Variants in ZBBX observed in about 807,000 individuals in gnomAD.
ZBBX encodes the protein zinc finger B-box domain containing.
Under a neutral mutation model 108.5 loss-of-function variants are expected in ZBBX, and 101 were observed. The ratio of observed to expected loss-of-function variants is 0.93; its 90% confidence interval spans 0.79 to 1.10. The LOEUF (loss-of-function observed/expected upper bound fraction) is 1.10, where lower values mean the gene tolerates loss of function less well. Ranked by LOEUF, ZBBX falls within the 50% of genes least tolerant of loss-of-function variation. The pLI is 0.00. For missense variants in ZBBX, 1,009 were observed against 941.4 expected, an observed-to-expected ratio of 1.07 and a Z score of -0.94; for synonymous variants, 356 against 323.4, an observed-to-expected ratio of 1.10 and a Z score of -1.08.
intron 20 of ZBBX, among the ~76,000 whole-genome samples, chr3:167,254,144 T>C (rs1723070911): frequency 6.6e-6 from 1 of 152,166 alleles, no homozygotes; most frequent in African/African-American, 2.4e-5. Flanking sequence ...ATCATTGTGC[T>C]ATGGTTATAT....
chr3:167,188,902 G>A, the ZBBX span, among the ~76,000 whole-genome samples: 1 of 152,138 alleles, frequency 6.6e-6, no homozygotes, highest in Non-Finnish European at 1.5e-5. Context: ...CTTAAAAGAA[G>A]TTATTGAGGA....
chr3:167,392,087 TCTGCTTTTAGCCACTAAGGA>T (rs1057325657), intron 1 of ZBBX, among the ~76,000 whole-genome samples: 1 of 151,792 alleles, frequency 6.6e-6, no homozygotes, highest in Non-Finnish European at 1.5e-5. Context: ...AAACCACTGA[TCTGCTTTTAGCCACTAAGGA>T]ATAATTTTTC....
At chr3:167,397,036 T>A (rs1286210410) in intron 1 of ZBBX, among the ~76,000 whole-genome samples, 1 of 150,800 alleles carries the variant, frequency 6.6e-6, no homozygotes, top group Non-Finnish European at 1.5e-5. Context: ...TTTTTTTCCC[T>A]TTTTTAAATT....
chr3:167,372,085 C>T (rs1053508021), intron 4 of ZBBX, among the ~76,000 whole-genome samples: 1 of 152,138 alleles, frequency 6.6e-6, no homozygotes, highest in Non-Finnish European at 1.5e-5. Flanking sequence ...GTAGCGTGCG[C>T]CTGTAATCCC....
At chr3:167,192,559 A>G in the ZBBX span, among the ~76,000 whole-genome samples, 8 of 152,106 alleles carry the variant, frequency 5.3e-5, no homozygotes, top group African/African-American at 9.7e-5. Flanking sequence ...GTTCTCTTTA[A>G]TCGTATCCCT....
rs1008350596 is a variant in ZBBX, at chr3:167,258,914, G to A, written c.2255-16271C>T. Reference sequence around the variant, plus strand: ...GATTTTAGCATCTATGTTCATCAAGGATATCAGTCTGTAGTTTTCTTTTTT... The same window carrying A: ...GATTTTAGCATCTATGTTCATCAAGAATATCAGTCTGTAGTTTTCTTTTTT... On this transcript the variant is annotated intron_variant, in intron 20 of 21. Transcript: ENST00000675490. Among the ~76,000 whole-genome samples the A allele has an allele frequency of 7.9e-5, 12 of 152,120 alleles. 1 individual carries two copies. Among genetic ancestry groups the A allele is most frequent in the Admixed American group, 6.6e-4 (10 of 15,264 alleles).
At chr3:167,237,304 T>G (rs1214616710), downstream of ZBBX, among the ~76,000 whole-genome samples, 1 of 151,924 alleles carries the variant, frequency 6.6e-6, no homozygotes, top group African/African-American at 2.4e-5. Flanking sequence ...TTAATTTGTC[T>G]GCAGCATGTG....
intron 20 of ZBBX, among the ~76,000 whole-genome samples, chr3:167,245,136 G>A (rs557832118): frequency 1.6e-4 from 25 of 152,254 alleles, no homozygotes; most frequent in Admixed American, 8.5e-4. Flanking sequence ...AGTGTGGGCC[G>A]GGCGCGGTGG....
At chr3:167,186,046 T>C in the ZBBX span, among the ~76,000 whole-genome samples, 1 of 152,198 alleles carries the variant, frequency 6.6e-6, no homozygotes, top group East Asian at 1.9e-4. Context: ...ATAAATACTA[T>C]TCATGTTTTT....
the ZBBX span, among the ~76,000 whole-genome samples, chr3:167,216,313 A>T: frequency 6.6e-6 from 1 of 152,168 alleles, no homozygotes; most frequent in Non-Finnish European, 1.5e-5. Context: ...AAAAATCACA[A>T]GCATTCCTAT....
chr3:167,310,677 C>T (rs1167011989), intron 16 of ZBBX, among the ~76,000 whole-genome samples: 1 of 152,106 alleles, frequency 6.6e-6, no homozygotes, highest in Non-Finnish European at 1.5e-5. Flanking sequence ...GGAAACCACT[C>T]CTATGATCCA....
the ZBBX span, among the ~76,000 whole-genome samples, chr3:167,183,485 A>G: frequency 1.3e-5 from 2 of 152,206 alleles, no homozygotes; most frequent in Non-Finnish European, 2.9e-5. Context: ...AAAGACACAC[A>G]CACAGAAATA....
At chr3:167,311,735 T>C (rs1194280397) in intron 16 of ZBBX, among the ~76,000 whole-genome samples, 1 of 151,862 alleles carries the variant, frequency 6.6e-6, no homozygotes, top group African/African-American at 2.4e-5. Context: ...AAATGAAATA[T>C]CACTACACAA....
intron 1 of ZBBX, among the ~76,000 whole-genome samples, chr3:167,405,667 A>G (rs1198747499): frequency 6.6e-6 from 1 of 152,234 alleles, no homozygotes; most frequent in Non-Finnish European, 1.5e-5. Context: ...GGAACTCTTA[A>G]CCTGAAATTA....
chr3:167,237,349 A>G (rs1720272503), downstream of ZBBX, among the ~76,000 whole-genome samples: 1 of 151,948 alleles, frequency 6.6e-6, no homozygotes, highest in African/African-American at 2.4e-5. Context: ...AGAATTTCAT[A>G]TGACTATTAC....
At chr3:167,368,721 T>C (rs1356632245) in intron 4 of ZBBX, 147 bp from the exon 5 acceptor site, 2 of 1,278,634 alleles carry the variant, frequency 1.6e-6, no homozygotes, top group African/African-American at 1.6e-5. Flanking sequence ...AATCTGGTTT[T>C]TAAAGTTAGC....
intron 5 of ZBBX, among the ~76,000 whole-genome samples, chr3:167,367,526 A>G (rs1230776961): frequency 6.6e-6 from 1 of 151,646 alleles, no homozygotes; most frequent in East Asian, 1.9e-4. Flanking sequence ...GAGCATTAAG[A>G]TATATTAAGT....
At chr3:167,197,755 A>G in the ZBBX span, among the ~76,000 whole-genome samples, 1 of 152,206 alleles carries the variant, frequency 6.6e-6, no homozygotes, top group Non-Finnish European at 1.5e-5. Flanking sequence ...AGTTGTTATT[A>G]AAGATAATAG....
At chr3:167,213,891 G>GAA in the ZBBX span, among the ~76,000 whole-genome samples, 1 of 149,354 alleles carries the variant, frequency 6.7e-6, no homozygotes, top group African/African-American at 2.5e-5. Flanking sequence ...TATTCTTAAA[G>GAA]AAAAAAAAAA....
Sources: gnomAD v4.1 joint callset for allele counts (sites outside exome capture counted in the v4.1 genomes callset) on GRCh38, gnomAD v4.1.1 for gene constraint, MANE v1.5 for transcripts, NCBI Gene and HGNC (gene_info 2026-07-23, HGNC 2026-07-21) for gene names.